STT3B: variants seen among roughly 807,000 people sequenced by gnomAD.
The protein encoded by STT3B is dolichyl-diphosphooligosaccharide--protein glycosyltransferase subunit STT3B.
A neutral mutation model predicts 96.8 loss-of-function variants in STT3B; 29 were observed. The observed-to-expected ratio is 0.30, with a 90% CI of 0.22 to 0.41. STT3B has a LOEUF of 0.41. Among genes scored for constraint, STT3B ranks in the 10% least tolerant of loss-of-function variants. The pLI, the probability that STT3B is intolerant of heterozygous loss-of-function variation, is 1.00. For synonymous variants in STT3B, 367 were observed against 360.0 expected (o/e 1.02, Z -0.22); for missense variants, 640 against 1,022.3 (o/e 0.63, Z 5.10).
intron 5 of STT3B, among the ~76,000 whole-genome samples, chr3:31,609,179 G>A (rs1403172055): frequency 1.3e-5 from 2 of 152,088 alleles, no homozygotes; most frequent in Non-Finnish European, 2.9e-5. Context: ...ATGACTTGTG[G>A]TAACAGGATT....
intron 10 of STT3B, among the ~76,000 whole-genome samples, chr3:31,622,646 C>G (rs1010305731): frequency 2.0e-5 from 3 of 152,160 alleles, no homozygotes; most frequent in South Asian, 2.1e-4. Flanking sequence ...ACTGTAAACC[C>G]CTCTGAAACC....
At chr3:31,629,610 ACTT>A (rs1443710398) in intron 14 of STT3B, among the ~76,000 whole-genome samples, 199 bp downstream of exon 14, 1 of 152,182 alleles carries the variant, frequency 6.6e-6, no homozygotes, top group Non-Finnish European at 1.5e-5. Flanking sequence ...TAGATCAAGG[ACTT>A]CTTTCTAACA....
At position 31,623,730 on chromosome 3, in the gene STT3B, C is replaced by T; in HGVS notation, c.1596C>T (p.Gly532=). The change falls in exon 11 of 16, where the codon GGC becomes GGT. Residue 532 remains glycine, a synonymous_variant. Transcript: ENST00000295770. ...AGGAAAAAACTGAAGAGGGATTAGG[C>T]CCTAATATAAAAAGCATTGTCACCA... is the stretch of plus-strand genomic sequence containing the variant. The part of the protein sequence containing the change: ...TEQEKTEEGL[G]PNIKSIVTML... 6.2e-7 allele frequency: 1 copy of T among 1,613,756 alleles called. No individual in the cohort carries two copies. The highest frequency in any genetic ancestry group is 8.5e-7 in the Non-Finnish European group (1 of 1,179,824).
intron 14 of STT3B, among the ~76,000 whole-genome samples, chr3:31,629,791 C>T (rs900914162): frequency 3.3e-5 from 5 of 152,120 alleles, no homozygotes; most frequent in Non-Finnish European, 4.4e-5. Context: ...ATTAAAGATT[C>T]GAAGTAAATA....
At chr3:31,593,054 T>C (rs1300692164) in intron 3 of STT3B, among the ~76,000 whole-genome samples, 1 of 152,214 alleles carries the variant, frequency 6.6e-6, no homozygotes, top group African/African-American at 2.4e-5. Flanking sequence ...AGATTGATTC[T>C]GCCCGTGCAA....
chr3:31,536,456 A>G (rs1280481513), intron 1 of STT3B, among the ~76,000 whole-genome samples: 1 of 152,136 alleles, frequency 6.6e-6, no homozygotes, highest in South Asian at 2.1e-4. Flanking sequence ...CCATATCTCT[A>G]TCAATGGTTT....
intron 3 of STT3B, among the ~76,000 whole-genome samples, chr3:31,593,548 G>A (rs1185353796): frequency 6.6e-6 from 1 of 151,982 alleles, no homozygotes; most frequent in Non-Finnish European, 1.5e-5. Context: ...TGTCTTTGTA[G>A]CCTCTCCTTT....
intron 1 of STT3B, among the ~76,000 whole-genome samples, chr3:31,559,837 T>C (rs2125444156): frequency 6.6e-6 from 1 of 152,296 alleles, no homozygotes; most frequent in South Asian, 2.1e-4. Flanking sequence ...CCATTAAATC[T>C]AGTAATATTT....
At chr3:31,617,186 C>CTTTTTTTTTTTTTTTTTTTTTTTTT (rs5847707) in intron 7 of STT3B, 111 bp downstream of exon 7, 3 of 465,784 alleles carry the variant, frequency 6.4e-6, no homozygotes, top group Non-Finnish European at 9.9e-6. Flanking sequence ...TGATTTTTTT[C>CTTTTTTTTTTTTTTTTTTTTTTTTT]TTTTTTTTTT....
chr3:31,540,044 T>G (rs1018827623), intron 1 of STT3B, among the ~76,000 whole-genome samples: 7 of 152,194 alleles, frequency 4.6e-5, no homozygotes, highest in African/African-American at 1.7e-4. Flanking sequence ...TTGGCTAGAT[T>G]CTTTTCCATT....
chr3:31,578,827 A>G (rs1698315185), intron 2 of STT3B, among the ~76,000 whole-genome samples: 2 of 137,398 alleles, frequency 1.5e-5, no homozygotes, highest in African/African-American at 7.2e-5. Flanking sequence ...TAGAAAGTAA[A>G]TAAATAAAAT....
At position 31,633,162 on chromosome 3, in the gene STT3B, A is replaced by T; in HGVS notation, c.2400+15A>T. ...TGTCAAAGAAGGTGGGTGCCAAGTG[A>T]AGGCATTAAAGGGTAACTTAAGGTG... On this transcript the variant is annotated intron_variant, in intron 15 of 15. Transcript: ENST00000295770. 6.2e-7 allele frequency: 1 copy of T among 1,607,310 alleles called. No individual in the cohort carries two copies. The highest frequency in any genetic ancestry group is 8.5e-7 in the Non-Finnish European group (1 of 1,175,778).
At chr3:31,581,472 A>G (rs1698381824) in intron 3 of STT3B, among the ~76,000 whole-genome samples, 1 of 152,228 alleles carries the variant, frequency 6.6e-6, no homozygotes, top group African/African-American at 2.4e-5. Context: ...AAAAATACAA[A>G]GAAAAAAATC....
chr3:31,558,055 C>A (rs1478210970), intron 1 of STT3B, among the ~76,000 whole-genome samples: 1 of 152,134 alleles, frequency 6.6e-6, no homozygotes, highest in African/African-American at 2.4e-5. Flanking sequence ...ACTGAATTTG[C>A]TTATTAGCTC....
intron 5 of STT3B, among the ~76,000 whole-genome samples, chr3:31,606,424 A>C (rs559087962): frequency 6.6e-6 from 1 of 152,276 alleles, no homozygotes; most frequent in African/African-American, 2.4e-5. Flanking sequence ...CTCCCTGCTG[A>C]GTTTTGCCTA....
chr3:31,557,951 C>T (rs1697764030), intron 1 of STT3B, among the ~76,000 whole-genome samples: 1 of 152,190 alleles, frequency 6.6e-6, no homozygotes. Context: ...AATGGGATTG[C>T]TTTCCTGATT....
intron 5 of STT3B, among the ~76,000 whole-genome samples, chr3:31,610,527 A>G (rs1278993149): frequency 6.6e-6 from 1 of 152,224 alleles, no homozygotes; most frequent in African/African-American, 2.4e-5. Context: ...GCTTTGGGGA[A>G]CAGCAAACTT....
At chr3:31,559,117 CTTTTTG>C (rs1697795610) in intron 1 of STT3B, among the ~76,000 whole-genome samples, 1 of 134,186 alleles carries the variant, frequency 7.5e-6, no homozygotes, top group Non-Finnish European at 1.6e-5. Flanking sequence ...AAAGAACCAA[CTTTTTG>C]TTTTTGTTTC....
chr3:31,618,646 A>G (rs1314406013), intron 8 of STT3B, among the ~76,000 whole-genome samples: 4 of 151,974 alleles, frequency 2.6e-5, no homozygotes, highest in Non-Finnish European at 4.4e-5. Flanking sequence ...ATAAAAAACA[A>G]TTTATTGAAC....
Sources: allele counts gnomAD v4.1 joint callset (sites outside exome capture counted in the v4.1 genomes callset), GRCh38; gene constraint gnomAD v4.1.1; transcripts MANE v1.5; gene names NCBI Gene and HGNC (gene_info 2026-07-23, HGNC 2026-07-21).